Variants in CACNG5 observed in about 807,000 individuals in gnomAD.
The protein encoded by CACNG5 is calcium voltage-gated channel auxiliary subunit gamma 5, also known as voltage-dependent calcium channel gamma-5 subunit.
Under a neutral mutation model 24.8 loss-of-function variants are expected in CACNG5, and 18 were observed. The ratio of observed to expected loss-of-function variants is 0.73; its 90% CI spans 0.50 to 1.08. The LOEUF (loss-of-function observed/expected upper bound fraction) is 1.08, where lower values mean the gene tolerates loss of function less well. CACNG5 is among the 50% of genes least tolerant of loss of function. The pLI is 0.00. For missense variants in CACNG5, 349 were observed against 367.9 expected (o/e 0.95, Z 0.42); for synonymous variants, 157 against 149.1 (o/e 1.05, Z -0.39).
At chr17:66,874,257 A>G (rs1195503771) in intron 1 of CACNG5, among the ~76,000 whole-genome samples, 2 of 152,172 alleles carry the variant, frequency 1.3e-5, no homozygotes, top group African/African-American at 2.4e-5. Context: ...TAAACGTTCA[A>G]TGTACTTTGG....
At chr17:66,865,763 G>A (rs1485179144) in intron 1 of CACNG5, among the ~76,000 whole-genome samples, 1 of 150,724 alleles carries the variant, frequency 6.6e-6, no homozygotes, top group Non-Finnish European at 1.5e-5. Context: ...CCGAGTAGCT[G>A]GGACTACAGG....
intron 1 of CACNG5, among the ~76,000 whole-genome samples, chr17:66,855,367 C>T (rs946388341): frequency 6.6e-6 from 1 of 152,222 alleles, no homozygotes; most frequent in African/African-American, 2.4e-5. Flanking sequence ...TGCCTTCAGG[C>T]TCTTCAGGTC....
intron 1 of CACNG5, among the ~76,000 whole-genome samples, chr17:66,871,057 G>A (rs181794717): frequency 3.3e-5 from 5 of 152,204 alleles, no homozygotes; most frequent in African/African-American, 1.2e-4. Context: ...CTAGACTCAA[G>A]GACAGGAGAC....
intron 4 of CACNG5, among the ~76,000 whole-genome samples, chr17:66,881,835 G>A (rs1178537910): frequency 2.6e-5 from 4 of 152,122 alleles, no homozygotes; most frequent in African/African-American, 7.2e-5. Context: ...TGGGCCTGGA[G>A]GAAAGTGGGA....
intron 1 of CACNG5, among the ~76,000 whole-genome samples, chr17:66,866,435 CATTTTATTTTATTTTTAA>C (rs1472069029): frequency 6.6e-6 from 1 of 152,102 alleles, no homozygotes; most frequent in African/African-American, 2.4e-5. Context: ...CCTTACCTTC[CATTTTATTTTATTTTTAA>C]ATTTTATTTT....
At position 66,893,575 on chromosome 17, in the gene CACNG5, G is replaced by A. The variant is rs566381046; in HGVS notation, c.*8335G>A. On this transcript the variant is annotated 3_prime_UTR_variant, in exon 6 of 6. Coordinates refer to ENST00000533854, the MANE Select transcript of CACNG5 (RefSeq NM_145811.3). ...GGGTCATCTGATGCATCCTACCAAC[G>A]TGACCCCAAGGAAAGTGCTGGAGGA... Among the ~76,000 whole-genome samples, 64 of 152,314 alleles carry A rather than the reference G, an allele frequency of 4.2e-4. No homozygotes were observed. Among genetic ancestry groups the A allele is most frequent in the Admixed American group, 3.5e-3 (54 of 15,298 alleles).
At chr17:66,865,375 T>C (rs1976915080) in intron 1 of CACNG5, among the ~76,000 whole-genome samples, 1 of 152,116 alleles carries the variant, frequency 6.6e-6, no homozygotes, top group South Asian at 2.1e-4. Flanking sequence ...TGTAAGACAT[T>C]CTGCTTTACA....
intron 1 of CACNG5, among the ~76,000 whole-genome samples, chr17:66,856,081 C>T (rs566316830): frequency 6.6e-6 from 1 of 152,276 alleles, no homozygotes; most frequent in South Asian, 2.1e-4. Context: ...CTCTTCTTTG[C>T]AGAGAGGCAT....
At chr17:66,835,505 G>T (rs1245654750) in intron 1 of CACNG5, among the ~76,000 whole-genome samples, 3 of 152,330 alleles carry the variant, frequency 2.0e-5, no homozygotes, top group Middle Eastern at 3.4e-3. Context: ...CGGGGGAGAT[G>T]ATGACGCCCC....
chr17:66,843,674 T>TC (rs1976596949), intron 1 of CACNG5, among the ~76,000 whole-genome samples: 2 of 152,118 alleles, frequency 1.3e-5, no homozygotes, highest in African/African-American at 2.4e-5. Context: ...TTCCAGGAGT[T>TC]GGGACTTCCA....
chr17:66,862,862 A>G (rs1968124), intron 1 of CACNG5, among the ~76,000 whole-genome samples: 148,304 of 150,656 alleles, frequency 0.98, 72,990 homozygotes, highest in East Asian at 1. Flanking sequence ...AGAGTGCTGC[A>G]TCTTACAACC....
intron 1 of CACNG5, among the ~76,000 whole-genome samples, chr17:66,854,759 A>G (rs1305642190): frequency 6.6e-6 from 1 of 152,174 alleles, no homozygotes; most frequent in Non-Finnish European, 1.5e-5. Flanking sequence ...GCACATACAT[A>G]TGGCAAAATA....
At chr17:66,862,460 G>A (rs1976877042) in intron 1 of CACNG5, among the ~76,000 whole-genome samples, 1 of 151,012 alleles carries the variant, frequency 6.6e-6, no homozygotes, top group Non-Finnish European at 1.5e-5. Context: ...TGTGCACATA[G>A]GCACATGTGT....
chr17:66,868,120 C>T lies in CACNG5; in HGVS notation c.-103-9110C>T, dbSNP rs1209534689. 5.9e-5 allele frequency among the ~76,000 whole-genome samples: 9 copies of T among 152,164 alleles called. No homozygotes were observed. In the East Asian group the frequency reaches 7.7e-4, roughly 13 times the overall value. ...CTTGTTGGACTTTCAATAAAGGCAC[C>T]GTCAGCTCTCTCTCCAGCTGGACTT... On this transcript the variant is annotated intron_variant, in intron 1 of 5. Transcript: ENST00000533854.
chr17:66,838,563 C>CAGTT (rs1976515937), intron 1 of CACNG5, among the ~76,000 whole-genome samples: 1 of 151,966 alleles, frequency 6.6e-6, no homozygotes, highest in South Asian at 2.1e-4. Context: ...CAGCAATGAG[C>CAGTT]AGTTTACTGC....
chr17:66,849,846 C>T (rs1044352740), intron 1 of CACNG5, among the ~76,000 whole-genome samples: 5 of 152,236 alleles, frequency 3.3e-5, no homozygotes, highest in Non-Finnish European at 7.3e-5. Flanking sequence ...TCCTTTCTCC[C>T]TCTTGCCTGA....
In CACNG5 at chr17:66,877,245, C is replaced by A; in HGVS notation, c.-88C>A. On this transcript the variant is annotated 5_prime_UTR_variant, in exon 2 of 6. Coordinates refer to ENST00000533854, the MANE Select transcript of CACNG5 (RefSeq NM_145811.3). Reference sequence around the variant, plus strand: ...GTCTTCTCAGAGCCGTGGGTACTGCCACCTGCTCACCCACTCTCCCTAGCC... The same window carrying A: ...GTCTTCTCAGAGCCGTGGGTACTGCAACCTGCTCACCCACTCTCCCTAGCC... The A allele has an allele frequency of 8.8e-7, 1 of 1,134,878 alleles. No homozygotes were observed. Among genetic ancestry groups the A allele is most frequent in the Non-Finnish European group, 1.3e-6 (1 of 781,674 alleles). 70.3% of individuals were successfully genotyped at this position (1,134,878 alleles called of 1,614,324 possible). A position where few individuals can be genotyped will look rare whatever the true frequency, so the allele number is the denominator to read the frequency against.
chr17:66,878,939 A>G (rs753497890), intron 2 of CACNG5, 33 bp from the exon 3 acceptor site: 34 of 1,534,672 alleles, frequency 2.2e-5, no homozygotes, highest in African/African-American at 6.8e-5. Flanking sequence ...CATGTTCAAG[A>G]GGGACCTGGA....
At chr17:66,847,885 C>T (rs563236252) in intron 1 of CACNG5, among the ~76,000 whole-genome samples, 26 of 152,334 alleles carry the variant, frequency 1.7e-4, no homozygotes, top group African/African-American at 6.0e-4. Context: ...CCAGCAGATG[C>T]ACAGCACCAA....
Sources: gnomAD v4.1 joint callset for allele counts (sites outside exome capture counted in the v4.1 genomes callset) on GRCh38, gnomAD v4.1.1 for gene constraint, MANE v1.5 for transcripts, NCBI Gene and HGNC (gene_info 2026-07-23, HGNC 2026-07-21) for gene names.